Variants in DCHS1 observed in about 807,000 individuals in gnomAD.
DCHS1 encodes dachsous cadherin-related 1.
Under a neutral mutation model 213.9 loss-of-function variants are expected in DCHS1, and 78 were observed. That is an observed-to-expected ratio of 0.36 (90% CI 0.30 to 0.44). The LOEUF (loss-of-function observed/expected upper bound fraction) is 0.44, where lower values mean the gene tolerates loss of function less well. DCHS1 is among the 20% of genes least tolerant of loss of function. The pLI, the probability that DCHS1 is intolerant of heterozygous loss-of-function variation, is 1.00. For missense variants in DCHS1, 3,946 were observed against 4,395.9 expected, an observed-to-expected ratio of 0.90 and a Z score of 2.89; for synonymous variants, 1,828 against 1,873.7, an observed-to-expected ratio of 0.98 and a Z score of 0.63.
In DCHS1 at chr11:6,640,769, G is replaced by A. The variant is rs1181810527; in HGVS notation, c.845C>T (p.Ala282Val). 6.2e-7 allele frequency: 1 copy of A among 1,614,008 alleles called. No individual in the cohort carries two copies. Among genetic ancestry groups the A allele is most frequent in the Non-Finnish European group, 8.5e-7 (1 of 1,179,896 alleles). ...CACAGCCCCATTGACACCAGCATCG[G>A]CATCAGATGCGAACACCTGCAAGAC... Reference protein sequence around the residue: ...SPVLQVFASDADAGVNGAVTY... With the variant: ...SPVLQVFASDVDAGVNGAVTY... The change falls in exon 2 of 21, where the codon GCC becomes GTC. Residue 282 changes from alanine to valine, a missense_variant. Physicochemically the swap from Ala to Val is moderately conservative, Grantham distance 64. Around this residue, in one of 3 missense-constraint regions of DCHS1, gnomAD observed 3,384 missense variants for 3,780.1 expected, o/e 0.90. Transcript: ENST00000299441. This position sits in a 1 kb window ranked among gnomAD's most constrained non-coding sequence, Gnocchi z 6.5.
chr11:6,631,884 G>C (rs562547836), intron 6 of DCHS1, 75 bp from the exon 7 acceptor site: 1 of 1,467,862 alleles, frequency 6.8e-7, no homozygotes, highest in Non-Finnish European at 9.0e-7. Context: ...TAAGAAGCTG[G>C]TGTTTGGGGA....
Position 6,622,735 on chromosome 11 carries a change from G to C in DCHS1, c.8941C>G (p.Leu2981Val). Residue 2981 changes from leucine (L) to valine (V), a missense_variant, in exon 21 of 21, where the codon CTA becomes GTA. Around this residue, in one of 3 missense-constraint regions of DCHS1, gnomAD observed 554 missense variants for 590.2 expected, o/e 0.94. Transcript: ENST00000299441. This position sits in a 1 kb window ranked among gnomAD's most constrained non-coding sequence, Gnocchi z 5.4. ...APGPMSQAAP[L>V]ASDSLQKLGR... ...AGTTTCTGCAGTGAGTCACTGGCTA[G>C]GGGTGCTGCCTGTGACATTGGGCCA... The C allele has an allele frequency of 6.3e-7, 1 of 1,591,170 alleles. No homozygotes were observed. Among genetic ancestry groups the C allele is most frequent in the South Asian group, 1.1e-5 (1 of 87,360 alleles).
chr11:6,638,267 C>G (rs1856016252), intron 2 of DCHS1, among the ~76,000 whole-genome samples: 1 of 152,204 alleles, frequency 6.6e-6, no homozygotes, highest in African/African-American at 2.4e-5. Context: ...CACCAGCCTC[C>G]TAAGAGGACT....
Position 6,622,727 on chromosome 11 carries a change from A to G in DCHS1, c.8949T>C (p.Ser2983=), listed in dbSNP as rs533377974. 18 of 1,591,568 alleles carry G rather than the reference A, an allele frequency of 1.1e-5. No homozygotes were observed. The highest frequency in any genetic ancestry group is 1.5e-5 in the Non-Finnish European group (17 of 1,169,272). The change falls in exon 21 of 21, where the codon AGT becomes AGC. Residue 2983 remains serine, a synonymous_variant. Transcript: ENST00000299441. The surrounding 1 kb of genome is among the most constrained non-coding windows in gnomAD (Gnocchi z 5.4). ...GPMSQAAPLA[S]DSLQKLGREP... Reference sequence around the variant, plus strand: ...CCCGGCCCAGTTTCTGCAGTGAGTCACTGGCTAGGGGTGCTGCCTGTGACA... The same window carrying G: ...CCCGGCCCAGTTTCTGCAGTGAGTCGCTGGCTAGGGGTGCTGCCTGTGACA...
rs1855916846 is a variant in DCHS1, at chr11:6,632,041, G to A, written c.3471C>T (p.His1157=). 8.6e-6 allele frequency: 13 copies of A among 1,513,400 alleles called. No homozygotes were observed. In the South Asian group the frequency reaches 1.4e-4, roughly 17 times the overall value. 93.7% of individuals were successfully genotyped at this position (1,513,400 alleles called of 1,614,324 possible). ...LSEDSKAFRI[H]PQTGEVTTLQ... ...GGTCTCTGTGCTCACCAGTCTGGGGGTGGATGCGGAAGGCCTTGCTGTCTT... is the reference window on the plus strand; with the variant it reads ...GGTCTCTGTGCTCACCAGTCTGGGGATGGATGCGGAAGGCCTTGCTGTCTT... The change falls in exon 6 of 21, where the codon CAC becomes CAT. Residue 1157 remains histidine, a synonymous_variant. Transcript: ENST00000299441. The surrounding 1 kb of genome is among the most constrained non-coding windows in gnomAD (Gnocchi z 5.9).
Position 6,623,147 on chromosome 11 carries a change from A to T in DCHS1, c.8529T>A (p.Gly2843=). The T allele has an allele frequency of 6.2e-7, 1 of 1,608,614 alleles. No homozygotes were observed. Among genetic ancestry groups the T allele is most frequent in the Non-Finnish European group, 8.5e-7 (1 of 1,177,596 alleles). Residue 2843 remains glycine (G), a synonymous_variant, in exon 21 of 21, where the codon GGT becomes GGA. Coordinates refer to ENST00000299441, the MANE Select transcript of DCHS1 (RefSeq NM_003737.4). ...GGGAATACAGAACCAGGCCATCGGC[A>T]CCCCCATCCTCATCTGTGGCCTGCA... is the stretch of plus-strand genomic sequence containing the variant. ...GHVQATDEDG[G]ADGLVLYSLA... is the part of the protein sequence containing the mutation.
chr11:6,625,998 C>T lies in DCHS1; in HGVS notation c.6653G>A (p.Gly2218Glu), dbSNP rs1356125506. The T allele has an allele frequency of 6.2e-7, 1 of 1,613,126 alleles. No homozygotes were observed. The highest frequency in any genetic ancestry group is 8.5e-7 in the Non-Finnish European group (1 of 1,179,576). Reference sequence around the variant, plus strand: ...TGTGGTTGGGTCTACGTGGAACAATCCACGTGCCGGCTGGGATGCAGCCAG... The same window carrying T: ...TGTGGTTGGGTCTACGTGGAACAATTCACGTGCCGGCTGGGATGCAGCCAG... Reference protein sequence around the residue: ...YSLAASQPARGLFHVDPTTGT... With the variant: ...YSLAASQPARELFHVDPTTGT... The change falls in exon 17 of 21, where the codon GGA (glycine) becomes GAA (glutamate). Residue 2218 changes from glycine to glutamate, a missense_variant. Physicochemically the swap from Gly to Glu is moderately conservative, Grantham distance 98. Coordinates refer to ENST00000299441, the MANE Select transcript of DCHS1 (RefSeq NM_003737.4). This position sits in a 1 kb window ranked among gnomAD's most constrained non-coding sequence, Gnocchi z 5.3.
rs779794671 is a variant in DCHS1, at chr11:6,633,831, C to G, written c.2176G>C (p.Ala726Pro). The G allele has an allele frequency of 6.2e-7, 1 of 1,613,930 alleles. No homozygotes were observed. The highest frequency in any genetic ancestry group is 8.5e-7 in the Non-Finnish European group (1 of 1,179,894). The change falls in exon 4 of 21, where the codon GCT (alanine) becomes CCT (proline). Residue 726 changes from alanine to proline, a missense_variant. Around this residue, in one of 3 missense-constraint regions of DCHS1, gnomAD observed 3,384 missense variants for 3,780.1 expected, o/e 0.90. Coordinates refer to ENST00000299441, the MANE Select transcript of DCHS1 (RefSeq NM_003737.4). ...SHGRLSYHIL[A>P]GNSPPLFTLD... Reference sequence around the variant, plus strand: ...GTAAAAAGTGGGGGGCTGTTGCCAGCCAGGATATGGTAGGAGAGTCGCCCA... The same window carrying G: ...GTAAAAAGTGGGGGGCTGTTGCCAGGCAGGATATGGTAGGAGAGTCGCCCA...
intron 1 of DCHS1, among the ~76,000 whole-genome samples, chr11:6,646,447 AG>A (rs915361713): frequency 1.1e-3 from 166 of 152,090 alleles, no homozygotes; most frequent in African/African-American, 3.9e-3. Flanking sequence ...AAGTCCGTCC[AG>A]TGTTTCTCAC....
At position 6,625,345 on chromosome 11, in the gene DCHS1, G is replaced by A. The variant is rs757328743; in HGVS notation, c.6999C>T (p.Leu2333=). The change falls in exon 19 of 21, where the codon CTC becomes CTT. Residue 2333 remains leucine, a synonymous_variant. Coordinates refer to ENST00000299441, the MANE Select transcript of DCHS1 (RefSeq NM_003737.4). The surrounding 1 kb of genome is among the most constrained non-coding windows in gnomAD (Gnocchi z 5.3). ...SVGRYGGRVS[L]TGPLDFEQCD... Reference sequence around the variant, plus strand: ...ACTGCTCAAAGTCCAGGGGCCCCGTGAGGGAGACACGGCCTCCATAGCGGC... The same window carrying A: ...ACTGCTCAAAGTCCAGGGGCCCCGTAAGGGAGACACGGCCTCCATAGCGGC... The A allele has an allele frequency of 6.2e-7, 1 of 1,613,778 alleles. No individual in the cohort carries two copies. The highest frequency in any genetic ancestry group is 8.5e-7 in the Non-Finnish European group (1 of 1,179,860).
At chr11:6,649,618 AAGCCC>A (rs1165426671) in intron 1 of DCHS1, among the ~76,000 whole-genome samples, 1 of 152,142 alleles carries the variant, frequency 6.6e-6, no homozygotes, top group African/African-American at 2.4e-5. Context: ...ATGCCATACT[AAGCCC>A]TAGAGATAGA....
chr11:6,643,099 C>T (rs770217484), intron 1 of DCHS1, among the ~76,000 whole-genome samples: 2 of 151,980 alleles, frequency 1.3e-5, no homozygotes, highest in African/African-American at 2.4e-5. Flanking sequence ...GAAAAAGAGG[C>T]GGGGCAAGGA....
In DCHS1 at chr11:6,630,071, C is replaced by T. The variant is rs760750629; in HGVS notation, c.4723G>A (p.Gly1575Ser). The change falls in exon 10 of 21, where the codon GGC becomes AGC. Residue 1575 changes from glycine (G) to serine (S), a missense_variant. This residue lies in a region of DCHS1 where 3,384 missense variants were observed against 3,780.1 expected (regional missense o/e 0.90). Transcript: ENST00000299441. ...LHVVARDPDL[G>S]EAARVSYRLA... The stretch of plus-strand genomic sequence containing the variant: ...CGATAGGACACGCGTGCAGCCTCGC[C>T]CAGATCCGGGTCCCGGGCTACCACG... 2 of 1,580,972 alleles carry T rather than the reference C, an allele frequency of 1.3e-6. No individual in the cohort carries two copies. Among genetic ancestry groups the T allele is most frequent in the South Asian group, 1.1e-5 (1 of 87,188 alleles).
At position 6,630,097 on chromosome 11, in the gene DCHS1, T is replaced by G; in HGVS notation, c.4697A>C (p.His1566Pro). The G allele has an allele frequency of 6.2e-7, 1 of 1,601,816 alleles. No homozygotes were observed. Among genetic ancestry groups the G allele is most frequent in the Non-Finnish European group, 8.5e-7 (1 of 1,172,550 alleles). Residue 1566 changes from histidine to proline, a missense_variant, in exon 10 of 21, where the codon CAC (histidine) becomes CCC (proline). His to Pro is a moderately conservative substitution (Grantham distance 77). This residue lies in a region of DCHS1 where 3,384 missense variants were observed against 3,780.1 expected (regional missense o/e 0.90). Coordinates refer to ENST00000299441, the MANE Select transcript of DCHS1 (RefSeq NM_003737.4). ...EDQPPGPAAL[H>P]VVARDPDLGE... ...CAGATCCGGGTCCCGGGCTACCACG[T>G]GCAGGGCCGCGGGCCCAGGCGGCTG...
At position 6,628,489 on chromosome 11, in the gene DCHS1, T is replaced by G; in HGVS notation, c.5371+132A>C. 6.4e-6 allele frequency: 6 copies of G among 944,682 alleles called. No individual in the cohort carries two copies. In the South Asian group the frequency reaches 7.6e-5, roughly 12 times the overall value. 58.5% of individuals were successfully genotyped at this position (944,682 alleles called of 1,614,324 possible). ...TACCTAGCTACACTGGGTATAAGCA[T>G]GAAAGAAAAGGTGGACGACATCAAG... is the stretch of plus-strand genomic sequence containing the variant. On this transcript the variant is annotated intron_variant, in intron 13 of 20. Coordinates refer to ENST00000299441, the MANE Select transcript of DCHS1 (RefSeq NM_003737.4). The surrounding 1 kb of genome is among the most constrained non-coding windows in gnomAD (Gnocchi z 4.3).
At position 6,632,611 on chromosome 11, in the gene DCHS1, C is replaced by A; in HGVS notation, c.2901G>T (p.Glu967Asp). The change falls in exon 6 of 21, where the codon GAG (glutamate) becomes GAT (aspartate). Residue 967 changes from glutamate to aspartate, a missense_variant. Glu to Asp is a conservative substitution (Grantham distance 45). This residue lies in a region of DCHS1 where 3,384 missense variants were observed against 3,780.1 expected (regional missense o/e 0.90). Coordinates refer to ENST00000299441, the MANE Select transcript of DCHS1 (RefSeq NM_003737.4). The surrounding 1 kb of genome is among the most constrained non-coding windows in gnomAD (Gnocchi z 5.9). Reference protein sequence around the residue: ...GPSGGPAHELELEARDGGSPP... With the variant: ...GPSGGPAHELDLEARDGGSPP... ...GGGAGCCCCCATCCCGGGCCTCCAG[C>A]TCCAGCTCATGGGCTGGCCCTCCTG... 1 of 1,532,298 alleles carries A rather than the reference C, an allele frequency of 6.5e-7. No homozygotes were observed. The highest frequency in any genetic ancestry group is 1.2e-5 in the South Asian group (1 of 81,832). The allele number at this position is 1,532,298 out of a possible 1,614,324, so 94.9% of individuals were successfully genotyped here. A position where few individuals can be genotyped will look rare whatever the true frequency, so the allele number is the denominator to read the frequency against.
intron 1 of DCHS1, among the ~76,000 whole-genome samples, chr11:6,644,409 C>T (rs1342201550): frequency 6.6e-6 from 1 of 152,222 alleles, no homozygotes; most frequent in African/African-American, 2.4e-5. Flanking sequence ...CATGCTCCTT[C>T]CTAACTCCTC....
chr11:6,649,504 A>G (rs1458562996), intron 1 of DCHS1, among the ~76,000 whole-genome samples: 2 of 151,914 alleles, frequency 1.3e-5, no homozygotes, highest in East Asian at 3.9e-4. Flanking sequence ...GGAGACAAAG[A>G]AAAAATGGAG....
At position 6,622,596 on chromosome 11, in the gene DCHS1, G is replaced by C; in HGVS notation, c.9080C>G (p.Pro3027Arg). The change falls in exon 21 of 21, where the codon CCT becomes CGT. Residue 3027 changes from proline (P) to arginine (R), a missense_variant. By Grantham distance (103) the Pro-to-Arg change is moderately radical. Coordinates refer to ENST00000299441, the MANE Select transcript of DCHS1 (RefSeq NM_003737.4). The surrounding 1 kb of genome is among the most constrained non-coding windows in gnomAD (Gnocchi z 5.4). ...TGATCCTCGGCCACTTGAATGTGAA[G>C]GGTCCAAGGAGCCACCACGGGGGTA... is the stretch of plus-strand genomic sequence containing the variant. ...GPYPRGGSLDPSHSSGRGSAE... is the reference protein window; with the variant it reads ...GPYPRGGSLDRSHSSGRGSAE... 1.3e-6 allele frequency: 2 copies of C among 1,580,836 alleles called. No homozygotes were observed. Among genetic ancestry groups the C allele is most frequent in the Non-Finnish European group, 1.7e-6 (2 of 1,164,162 alleles).
Sources: allele counts gnomAD v4.1 joint callset (sites outside exome capture counted in the v4.1 genomes callset), GRCh38; gene constraint gnomAD v4.1.1; regional missense constraint gnomAD v4.1.1; non-coding constraint Gnocchi (gnomAD v3.1); transcripts MANE v1.5; gene names NCBI Gene and HGNC (gene_info 2026-07-23, HGNC 2026-07-21).